ATP6V0D2: variants seen among roughly 807,000 people sequenced by gnomAD.
ATP6V0D2 encodes V-type proton ATPase subunit d 2.
Under a neutral mutation model 40.0 loss-of-function variants are expected in ATP6V0D2, and 40 were observed. The observed-to-expected ratio is 1.00, with a 90% confidence interval of 0.78 to 1.30. The LOEUF is 1.30. Among genes scored for constraint, ATP6V0D2 ranks in the 50% most tolerant of loss-of-function variants. The pLI is 0.00. For synonymous variants in ATP6V0D2, 179 were observed against 156.3 expected (o/e 1.15, Z -1.08); for missense variants, 470 against 423.1 (o/e 1.11, Z -0.97).
chr8:86,138,887 C>T (rs1818931957), intron 2 of ATP6V0D2, among the ~76,000 whole-genome samples: 1 of 152,212 alleles, frequency 6.6e-6, no homozygotes, highest in Non-Finnish European at 1.5e-5. Context: ...CATATTCCCA[C>T]CAGCCAAGGT....
At chr8:86,133,022 C>A (rs1476184141) in intron 2 of ATP6V0D2, among the ~76,000 whole-genome samples, 1 of 152,118 alleles carries the variant, frequency 6.6e-6, no homozygotes, top group Non-Finnish European at 1.5e-5. Flanking sequence ...ACTGTCCATT[C>A]TAAATGGGGT....
intron 5 of ATP6V0D2, among the ~76,000 whole-genome samples, chr8:86,149,076 C>CAAAAAAAAAAA (rs1563567503): frequency 8.7e-6 from 1 of 114,924 alleles, no homozygotes; most frequent in African/African-American, 3.4e-5. Flanking sequence ...AAAAAAAAAA[C>CAAAAAAAAAAA]CAATGAACAA....
chr8:86,118,037 T>A (rs1417611520), intron 2 of ATP6V0D2, among the ~76,000 whole-genome samples: 1 of 151,060 alleles, frequency 6.6e-6, no homozygotes, highest in Non-Finnish European at 1.5e-5. Flanking sequence ...TTTTTTTTTC[T>A]TTCTTTCTTC....
At chr8:86,109,693 T>C (rs1253603151) in intron 1 of ATP6V0D2, among the ~76,000 whole-genome samples, 1 of 152,218 alleles carries the variant, frequency 6.6e-6, no homozygotes, top group African/African-American at 2.4e-5. Context: ...AACTGTCAAG[T>C]TGCATAAAAA....
At chr8:86,110,906 A>C (rs1439594208) in intron 1 of ATP6V0D2, among the ~76,000 whole-genome samples, 1 of 152,118 alleles carries the variant, frequency 6.6e-6, no homozygotes, top group Non-Finnish European at 1.5e-5. Flanking sequence ...TAAATTTGGA[A>C]GCCTGCCCAA....
rs779376583 is a variant in ATP6V0D2, at chr8:86,099,115, G to A, written c.130+7G>A. On this transcript the variant is annotated splice_region_variant and intron_variant, in intron 1 of 7. Coordinates refer to ENST00000285393, the MANE Select transcript of ATP6V0D2 (RefSeq NM_152565.1). ...CAGTGTGAGACCCTAGAAGGTAAGT[G>A]TAGCTCTTCTCACCCTTTAAAAAGA... 7 of 1,598,230 alleles carry A rather than the reference G, an allele frequency of 4.4e-6. No individual in the cohort carries two copies. The highest frequency in any genetic ancestry group is 1.8e-5 in the Admixed American group (1 of 56,848).
intron 2 of ATP6V0D2, among the ~76,000 whole-genome samples, chr8:86,125,102 T>C (rs1818722494): frequency 6.6e-6 from 1 of 152,056 alleles, no homozygotes; most frequent in Non-Finnish European, 1.5e-5. Context: ...ACCACTACTG[T>C]TGTTGGGTTG....
intron 5 of ATP6V0D2, among the ~76,000 whole-genome samples, chr8:86,147,846 G>A (rs1819091941): frequency 6.6e-6 from 1 of 152,194 alleles, no homozygotes; most frequent in Non-Finnish European, 1.5e-5. Context: ...AAGGGAAGAA[G>A]TGGTTACAAG....
At chr8:86,112,995 C>G (rs1818543991) in intron 1 of ATP6V0D2, among the ~76,000 whole-genome samples, 1 of 152,130 alleles carries the variant, frequency 6.6e-6, no homozygotes, top group African/African-American at 2.4e-5. Flanking sequence ...TGCCCCCACA[C>G]CCATGGTAGC....
At chr8:86,139,092 G>T (rs1229055722) in intron 2 of ATP6V0D2, among the ~76,000 whole-genome samples, 1 of 152,054 alleles carries the variant, frequency 6.6e-6, no homozygotes, top group Non-Finnish European at 1.5e-5. Context: ...GCTGGGTATG[G>T]TGGTGAGAGC....
At chr8:86,127,715 C>T (rs1020180339) in intron 2 of ATP6V0D2, among the ~76,000 whole-genome samples, 1 of 152,198 alleles carries the variant, frequency 6.6e-6, no homozygotes, top group Non-Finnish European at 1.5e-5. Context: ...TGAGCCACAG[C>T]TCCCAGCCTG....
chr8:86,145,278 AAAGAAAGAAAG>A (rs1819043620), intron 5 of ATP6V0D2, among the ~76,000 whole-genome samples: 2 of 92,976 alleles, frequency 2.2e-5, no homozygotes, highest in African/African-American at 7.0e-5. Context: ...AGAAAGAAAG[AAAGAAAGAAAG>A]AAAGAAAGAA....
At chr8:86,099,150 A>G in intron 1 of ATP6V0D2, 42 bp downstream of exon 1, 2 of 1,555,472 alleles carry the variant, frequency 1.3e-6, no homozygotes, top group Non-Finnish European at 1.7e-6. Flanking sequence ...AAAAAAAAAA[A>G]AATGAAATGA....
intron 1 of ATP6V0D2, among the ~76,000 whole-genome samples, chr8:86,102,586 G>A (rs942406154): frequency 6.6e-6 from 1 of 152,152 alleles, no homozygotes; most frequent in Admixed American, 6.5e-5. Flanking sequence ...AACTTGCAAG[G>A]AACATAATAA....
At chr8:86,132,201 T>C (rs1818834895) in intron 2 of ATP6V0D2, among the ~76,000 whole-genome samples, 1 of 152,122 alleles carries the variant, frequency 6.6e-6, no homozygotes, top group Admixed American at 6.5e-5. Flanking sequence ...TAGTGTGTTG[T>C]TTTTTTAATT....
At chr8:86,121,436 G>A (rs182951473) in intron 2 of ATP6V0D2, among the ~76,000 whole-genome samples, 9 of 152,236 alleles carry the variant, frequency 5.9e-5, no homozygotes, top group African/African-American at 2.2e-4. Context: ...CAGGTGTGGG[G>A]GCGCATGCCT....
At position 86,150,275 on chromosome 8, in the gene ATP6V0D2, C is replaced by A. The variant is rs777381409; in HGVS notation, c.803C>A (p.Ala268Glu). 1 of 1,612,992 alleles carries A rather than the reference C, an allele frequency of 6.2e-7. No individual in the cohort carries two copies. Among genetic ancestry groups the A allele is most frequent in the Non-Finnish European group, 8.5e-7 (1 of 1,179,764 alleles). Residue 268 changes from alanine (A) to glutamate (E), a missense_variant, in exon 6 of 8, where the codon GCG becomes GAG. Physicochemically the swap from Ala to Glu is moderately radical, Grantham distance 107 (BLOSUM62 -1). Coordinates refer to ENST00000285393, the MANE Select transcript of ATP6V0D2 (RefSeq NM_152565.1). ...GACTTTGACCAGATGAAGAACGTAG[C>A]GGATCATTACGGAGTATGTGATGAC... is the stretch of plus-strand genomic sequence containing the variant. ...AEDFDQMKNVADHYGVYKPLF... is the reference protein window; with the variant it reads ...AEDFDQMKNVEDHYGVYKPLF...
chr8:86,120,293 G>A (rs1019986935), intron 2 of ATP6V0D2, among the ~76,000 whole-genome samples: 1 of 151,978 alleles, frequency 6.6e-6, no homozygotes, highest in African/African-American at 2.4e-5. Flanking sequence ...CCCAGTTACT[G>A]GGGAGTCTGA....
At chr8:86,099,493 A>ATTAT (rs376571534) in intron 1 of ATP6V0D2, among the ~76,000 whole-genome samples, 3 of 152,066 alleles carry the variant, frequency 2.0e-5, no homozygotes, top group African/African-American at 7.2e-5. Context: ...CTCATCCTTT[A>ATTAT]TTATTTATTT....
Sources: allele counts gnomAD v4.1 joint callset (sites outside exome capture counted in the v4.1 genomes callset), GRCh38; gene constraint gnomAD v4.1.1; transcripts MANE v1.5; gene names NCBI Gene and HGNC (gene_info 2026-07-23, HGNC 2026-07-21).